Variants in GRIK2 observed in about 807,000 individuals in gnomAD.
GRIK2 encodes glutamate ionotropic receptor kainate type subunit 2.
A neutral mutation model predicts 100.3 loss-of-function variants in GRIK2; 32 were observed. The ratio of observed to expected loss-of-function variants is 0.32; its 90% CI spans 0.24 to 0.43. The LOEUF (loss-of-function observed/expected upper bound fraction) is 0.43, where lower values mean the gene tolerates loss of function less well. Among genes scored for constraint, GRIK2 ranks in the 20% least tolerant of loss-of-function variants. GRIK2 has a pLI of 1.00. For missense variants in GRIK2, 843 were observed against 1,114.9 expected, an observed-to-expected ratio of 0.76 and a Z score of 3.47; for synonymous variants, 417 against 389.4, an observed-to-expected ratio of 1.07 and a Z score of -0.83.
At chr6:101,575,812 G>A (rs1028250568) in intron 2 of GRIK2, among the ~76,000 whole-genome samples, 1 of 151,928 alleles carries the variant, frequency 6.6e-6, no homozygotes, top group Non-Finnish European at 1.5e-5. Flanking sequence ...CTGCAGCCTG[G>A]TCTGCATGTT....
chr6:101,541,376 C>CCCACACACACACA (rs1554217240), intron 2 of GRIK2, among the ~76,000 whole-genome samples: 282 of 5,594 alleles, frequency 0.05, 4 homozygotes, highest in African/African-American at 0.072. Flanking sequence ...GCGCACACAA[C>CCCACACACACACA]CACACACACA....
chr6:101,592,678 TG>T (rs1778729294), intron 2 of GRIK2, among the ~76,000 whole-genome samples: 1 of 146,648 alleles, frequency 6.8e-6, no homozygotes, highest in Admixed American at 7.0e-5. Context: ...CAGGAAGGAC[TG>T]GGCTTTGCAG....
chr6:101,608,882 G>A (rs1478017507), intron 2 of GRIK2, among the ~76,000 whole-genome samples: 1 of 150,836 alleles, frequency 6.6e-6, no homozygotes, highest in Non-Finnish European at 1.5e-5. Context: ...TCTACAGTTG[G>A]GTCATTTCAT....
At chr6:101,525,616 C>A (rs1045886777) in intron 2 of GRIK2, among the ~76,000 whole-genome samples, 4 of 152,154 alleles carry the variant, frequency 2.6e-5, no homozygotes, top group Admixed American at 2.6e-4. Context: ...TAGGTAAGAA[C>A]AAACTGCTGA....
chr6:101,626,290 A>G, intron 3 of GRIK2, 90 bp from the exon 4 acceptor site: 1 of 1,138,810 alleles, frequency 8.8e-7, no homozygotes, highest in Non-Finnish European at 1.3e-6. Flanking sequence ...CTTGAGAATG[A>G]TACCTTTGGG....
intron 7 of GRIK2, among the ~76,000 whole-genome samples, chr6:101,727,032 T>G (rs1774919409): frequency 6.6e-6 from 1 of 152,084 alleles, no homozygotes. Context: ...TTTCTCTTTG[T>G]TTTTAGTATC....
chr6:101,815,136 C>T (rs976959784), intron 9 of GRIK2, among the ~76,000 whole-genome samples: 1 of 152,014 alleles, frequency 6.6e-6, no homozygotes, highest in African/African-American at 2.4e-5. Flanking sequence ...GGGCCATTAA[C>T]AACAAGGCTA....
At chr6:101,990,069 A>G (rs573996078) in intron 14 of GRIK2, among the ~76,000 whole-genome samples, 1 of 151,754 alleles carries the variant, frequency 6.6e-6, no homozygotes, top group East Asian at 2.0e-4. Context: ...TGTGAATATT[A>G]CATTGAGTAA....
intron 12 of GRIK2, among the ~76,000 whole-genome samples, chr6:101,900,907 T>A (rs1273256002): frequency 8.3e-6 from 1 of 120,548 alleles, no homozygotes; most frequent in Admixed American, 8.2e-5. Flanking sequence ...AGTGTCCTTG[T>A]TTTTTTTTTT....
At chr6:101,823,161 A>G (rs1479058320) in intron 10 of GRIK2, among the ~76,000 whole-genome samples, 2 of 152,138 alleles carry the variant, frequency 1.3e-5, no homozygotes, top group African/African-American at 4.8e-5. Flanking sequence ...TCTTTAAACT[A>G]TAATCTCAGA....
At chr6:101,918,362 A>G (rs979336545) in intron 12 of GRIK2, among the ~76,000 whole-genome samples, 1 of 151,772 alleles carries the variant, frequency 6.6e-6, no homozygotes, top group Non-Finnish European at 1.5e-5. Context: ...TGTACTCTTC[A>G]TTAGTTGTAA....
chr6:101,744,100 G>A (rs1343822232), intron 7 of GRIK2, among the ~76,000 whole-genome samples: 9 of 151,932 alleles, frequency 5.9e-5, no homozygotes, highest in South Asian at 4.2e-4. Context: ...CCGCCACCAC[G>A]CCCGGCTAAT....
Position 101,505,064 on chromosome 6 carries a change from T to G in GRIK2, c.115+105672T>G, listed in dbSNP as rs918826140. On this transcript the variant is annotated intron_variant, in intron 2 of 16. Transcript: ENST00000369134. ...ACTTGTCATTAAGTTTTTTTTGTTT[T>G]TTTTTTTGTCGTTTTTTTACTTGTC... 2.9e-3 allele frequency among the ~76,000 whole-genome samples: 440 copies of G among 152,126 alleles called. 3 individuals carry two copies. The highest frequency in any genetic ancestry group is 0.01 in the African/African-American group (429 of 41,544).
At chr6:102,066,240 AT>A (rs1326189208) in intron 16 of GRIK2, among the ~76,000 whole-genome samples, 2 of 151,578 alleles carry the variant, frequency 1.3e-5, no homozygotes, top group Non-Finnish European at 1.5e-5. Context: ...AAACCTGAAA[AT>A]TTTTTAAGCA....
At chr6:102,034,858 A>G (rs1393540925) in intron 14 of GRIK2, among the ~76,000 whole-genome samples, 2 of 151,358 alleles carry the variant, frequency 1.3e-5, no homozygotes. Context: ...CTGGGGGTTA[A>G]TGTAGCATCT....
intron 7 of GRIK2, among the ~76,000 whole-genome samples, chr6:101,789,785 A>G (rs1405916101): frequency 2.0e-5 from 3 of 152,278 alleles, no homozygotes; most frequent in African/African-American, 7.2e-5. Context: ...GAATCTATAA[A>G]TTACCTTGGG....
chr6:101,827,911 G>A (rs993393029), intron 10 of GRIK2, among the ~76,000 whole-genome samples: 1 of 151,694 alleles, frequency 6.6e-6, no homozygotes, highest in African/African-American at 2.4e-5. Flanking sequence ...ACTTAAATTT[G>A]GCACTTGACC....
intron 10 of GRIK2, among the ~76,000 whole-genome samples, chr6:101,851,054 G>T (rs1784101532): frequency 6.6e-6 from 1 of 152,042 alleles, no homozygotes; most frequent in South Asian, 2.1e-4. Context: ...TTACTTATCA[G>T]AATTAAATAT....
At chr6:101,572,961 C>T (rs1777627905) in intron 2 of GRIK2, among the ~76,000 whole-genome samples, 1 of 151,786 alleles carries the variant, frequency 6.6e-6, no homozygotes, top group Non-Finnish European at 1.5e-5. Flanking sequence ...AGGTTCTTGC[C>T]TCAGCCTCCT....
Sources: gnomAD v4.1 joint callset for allele counts (sites outside exome capture counted in the v4.1 genomes callset) on GRCh38, gnomAD v4.1.1 for gene constraint, MANE v1.5 for transcripts, NCBI Gene and HGNC (gene_info 2026-07-23, HGNC 2026-07-21) for gene names.